PHACTR2: variants seen among roughly 807,000 people sequenced by gnomAD.
PHACTR2 encodes the protein phosphatase and actin regulator 2.
PHACTR2 carries 30 observed loss-of-function variants against 76.0 expected under a neutral mutation model. The ratio of observed to expected loss-of-function variants is 0.39; its 90% CI spans 0.30 to 0.54. The LOEUF is 0.54. Ranked by LOEUF, PHACTR2 falls within the 20% of genes least tolerant of loss-of-function variation. PHACTR2 has a pLI of 0.61. For missense variants in PHACTR2, 696 were observed against 781.1 expected (o/e 0.89, Z 1.30); for synonymous variants, 292 against 292.5 (o/e 1.00, Z 0.02).
At position 143,722,274 on chromosome 6, in the gene PHACTR2, A is replaced by G. The variant is rs535771380; in HGVS notation, c.214+10091A>G. Among the ~76,000 whole-genome samples the G allele has an allele frequency of 1.3e-5, 2 of 151,828 alleles. No homozygotes were observed. The highest frequency in any genetic ancestry group is 2.1e-4 in the South Asian group (1 of 4,832). On this transcript the variant is annotated intron_variant, in intron 2 of 12. Transcript: ENST00000440869. The surrounding 1 kb of genome is among the most constrained non-coding windows in gnomAD (Gnocchi z 4.1). ...GGATATATGTACATATCATATCCAC[A>G]TTTCTTGGATGCTAGTTTCTCCGAA... is the stretch of plus-strand genomic sequence containing the variant.
upstream of PHACTR2, among the ~76,000 whole-genome samples, chr6:143,605,421 C>T (rs1471947353): frequency 1.3e-5 from 2 of 152,216 alleles, no homozygotes; most frequent in African/African-American, 4.8e-5. This position sits in a 1 kb window ranked among gnomAD's most constrained non-coding sequence, Gnocchi z 5.0. Context: ...TCCCCAGCTA[C>T]AGCATATTAA....
intron 11 of PHACTR2, among the ~76,000 whole-genome samples, chr6:143,802,550 G>A (rs1775980853): frequency 6.6e-6 from 1 of 150,458 alleles, no homozygotes; most frequent in Non-Finnish European, 1.5e-5. Context: ...GGGAGGCTGA[G>A]GTGGGAGGGT....
Position 143,709,598 on chromosome 6 carries a change from G to A in PHACTR2, c.47-2418G>A, listed in dbSNP as rs563031336. The stretch of plus-strand genomic sequence containing the variant: ...TATAGCAGGGGAAGCAGTGGGTGCC[G>A]CCTTGTCACCCCGACATGGAGGTAA... On this transcript the variant is annotated intron_variant, in intron 1 of 12. Transcript: ENST00000440869. The surrounding 1 kb of genome is among the most constrained non-coding windows in gnomAD (Gnocchi z 4.4). 8.5e-5 allele frequency among the ~76,000 whole-genome samples: 13 copies of A among 152,194 alleles called. No homozygotes were observed. The highest frequency in any genetic ancestry group is 1.2e-4 in the African/African-American group (5 of 41,522).
In PHACTR2 at chr6:143,755,070, TG is replaced by T. The variant is rs1198832172; in HGVS notation, c.454+1159del. Among the ~76,000 whole-genome samples, 1 of 152,264 alleles carries T rather than the reference TG, an allele frequency of 6.6e-6. No homozygotes were observed. Among genetic ancestry groups the T allele is most frequent in the African/African-American group, 2.4e-5 (1 of 41,472 alleles). On this transcript the variant is annotated intron_variant, in intron 4 of 12. Transcript: ENST00000440869. The surrounding 1 kb of genome is among the most constrained non-coding windows in gnomAD (Gnocchi z 5.2). ...GTTTTAGAAGCCTGTGTAAATAATC[TG>T]TTGGAAATGTATTATTTTGCTTTAT...
chr6:143,816,494 A>G lies in PHACTR2; in HGVS notation c.1923-7180A>G, dbSNP rs1040020288. Among the ~76,000 whole-genome samples the G allele has an allele frequency of 1.3e-5, 2 of 152,054 alleles. No homozygotes were observed. Among genetic ancestry groups the G allele is most frequent in the Admixed American group, 6.6e-5 (1 of 15,246 alleles). On this transcript the variant is annotated intron_variant, in intron 12 of 12. Transcript: ENST00000440869. This position sits in a 1 kb window ranked among gnomAD's most constrained non-coding sequence, Gnocchi z 4.5. ...TGTTACTTTTTACCGAATCTGGGCAATCTATCTAAAGAGGGGTCATAGTTC... is the reference window on the plus strand; with the variant it reads ...TGTTACTTTTTACCGAATCTGGGCAGTCTATCTAAAGAGGGGTCATAGTTC...
chr6:143,692,780 C>T (rs1255149826), intron 1 of PHACTR2, among the ~76,000 whole-genome samples: 1 of 152,130 alleles, frequency 6.6e-6, no homozygotes, highest in African/African-American at 2.4e-5. Context: ...ACTTTACCTT[C>T]GACATGTTAA....
chr6:143,762,481 CAG>C (rs1582852309), intron 5 of PHACTR2, among the ~76,000 whole-genome samples: 1 of 152,258 alleles, frequency 6.6e-6, no homozygotes, highest in East Asian at 1.9e-4. Flanking sequence ...ACAGAGAAAA[CAG>C]GGGTTGCACT....
At chr6:143,579,925 T>C (rs1335945467) in intron 1 of PHACTR2, among the ~76,000 whole-genome samples, 1 of 152,136 alleles carries the variant, frequency 6.6e-6, no homozygotes, top group Admixed American at 6.5e-5. Flanking sequence ...CGGGAGGAGC[T>C]GCGTCCAAGC....
rs1256111585 is a variant in PHACTR2 at position 143,795,366 on chromosome 6, A to G, written c.1845+6456A>G. On this transcript the variant is annotated intron_variant, in intron 11 of 12. Transcript: ENST00000440869. The surrounding 1 kb of genome is among the most constrained non-coding windows in gnomAD (Gnocchi z 4.8). ...GAGTTCAAGACTGCAATGAGCTGTG[A>G]TTGTGCCACTGCACTGCAGCCTGGG... Among the ~76,000 whole-genome samples the G allele has an allele frequency of 6.6e-6, 1 of 152,228 alleles. No individual in the cohort carries two copies. Among genetic ancestry groups the G allele is most frequent in the Non-Finnish European group, 1.5e-5 (1 of 68,044 alleles).
At chr6:143,728,747 C>T (rs1778633473) in intron 2 of PHACTR2, among the ~76,000 whole-genome samples, 1 of 152,080 alleles carries the variant, frequency 6.6e-6, no homozygotes. Flanking sequence ...AGAACATCCT[C>T]TTCAATAAAT....
chr6:143,620,818 G>A (rs1776140873), intron 1 of PHACTR2, among the ~76,000 whole-genome samples: 1 of 152,170 alleles, frequency 6.6e-6, no homozygotes, highest in African/African-American at 2.4e-5. Context: ...ATTGTTTTTA[G>A]GGAAATGTGG....
Position 143,819,394 on chromosome 6 carries a change from C to CT in PHACTR2, c.1923-4279dup, listed in dbSNP as rs1776366076. Among the ~76,000 whole-genome samples, 1 of 152,184 alleles carries CT rather than the reference C, an allele frequency of 6.6e-6. No homozygotes were observed. Among genetic ancestry groups the CT allele is most frequent in the South Asian group, 2.1e-4 (1 of 4,820 alleles). On this transcript the variant is annotated intron_variant, in intron 12 of 12. Transcript: ENST00000440869. The surrounding 1 kb of genome is among the most constrained non-coding windows in gnomAD (Gnocchi z 5.0). ...GGCCAAGAAAGGGGTCTGTATCTGT[C>CT]TGAGTTCTCCAGAGAAACAAAACCA... is the stretch of plus-strand genomic sequence containing the variant.
rs144074493 is a variant in PHACTR2, at chr6:143,741,208, C to T, written c.215-7777C>T. On this transcript the variant is annotated intron_variant, in intron 2 of 12. Coordinates refer to ENST00000440869, the MANE Select transcript of PHACTR2 (RefSeq NM_001100164.2). ...CCTGGCCAACATGGGGAAACCCCAT[C>T]TCTACTAAAAATACAAAAATTAGCC... 9.2e-3 allele frequency among the ~76,000 whole-genome samples: 1,379 copies of T among 149,652 alleles called. 7 individuals carry two copies. The highest frequency in any genetic ancestry group is 0.049 in the Middle Eastern group (14 of 288).
At chr6:143,748,595 T>C (rs1296326547) in intron 2 of PHACTR2, among the ~76,000 whole-genome samples, 1 of 152,256 alleles carries the variant, frequency 6.6e-6, no homozygotes, top group Non-Finnish European at 1.5e-5. Flanking sequence ...TTATGTGTTT[T>C]TTTCTTTAAT....
At chr6:143,629,620 C>A (rs1776325677) in intron 1 of PHACTR2, among the ~76,000 whole-genome samples, 1 of 152,040 alleles carries the variant, frequency 6.6e-6, no homozygotes, top group Non-Finnish European at 1.5e-5. Context: ...TGAGTATGCT[C>A]CACCGTGTAG....
At chr6:143,582,550 G>T (rs557820171) in intron 1 of PHACTR2, among the ~76,000 whole-genome samples, 1 of 151,832 alleles carries the variant, frequency 6.6e-6, no homozygotes, top group Non-Finnish European at 1.5e-5. Context: ...GATTTATAAT[G>T]ATATTCAAAT....
In PHACTR2 at chr6:143,757,959, GCGCGCACA is replaced by G. The variant is rs1554226114; in HGVS notation, c.455-2440_455-2433del. Among the ~76,000 whole-genome samples, 19,617 of 145,650 alleles carry G rather than the reference GCGCGCACA, an allele frequency of 0.13. 1,310 individuals are homozygous for G. The highest frequency in any genetic ancestry group is 0.18 in the Middle Eastern group (52 of 288). ...CCTGCGTGTGTGTGCATGCACACGT[GCGCGCACA>G]CACACACACACACACACACACATAA... On this transcript the variant is annotated intron_variant, in intron 4 of 12. Coordinates refer to ENST00000440869, the MANE Select transcript of PHACTR2 (RefSeq NM_001100164.2). This position sits in a 1 kb window ranked among gnomAD's most constrained non-coding sequence, Gnocchi z 4.2.
intron 1 of PHACTR2, among the ~76,000 whole-genome samples, chr6:143,643,080 C>T (rs947009435): frequency 3.3e-5 from 5 of 152,102 alleles, no homozygotes; most frequent in African/African-American, 9.7e-5. Flanking sequence ...TTGGAATTAA[C>T]TATACTAAAA....
intron 2 of PHACTR2, among the ~76,000 whole-genome samples, chr6:143,746,418 T>C (rs1779068555): frequency 6.6e-6 from 1 of 152,224 alleles, no homozygotes; most frequent in Non-Finnish European, 1.5e-5. Context: ...CCACCGTGAT[T>C]GAATGCTGAA....
Sources: gnomAD v4.1 joint callset for allele counts (sites outside exome capture counted in the v4.1 genomes callset) on GRCh38, gnomAD v4.1.1 for gene constraint, Gnocchi (gnomAD v3.1) non-coding constraint, MANE v1.5 for transcripts, NCBI Gene and HGNC (gene_info 2026-07-23, HGNC 2026-07-21) for gene names.